LCLAT1: variants seen among roughly 807,000 people sequenced by gnomAD.
LCLAT1 encodes lysocardiolipin acyltransferase 1.
In LCLAT1, 11 loss-of-function variants were observed where a neutral mutation model predicts 30.7. That is an observed-to-expected ratio of 0.36 (90% CI 0.23 to 0.59). The LOEUF (loss-of-function observed/expected upper bound fraction) is 0.59. LCLAT1 is among the 20% of genes least tolerant of loss of function. The pLI, the probability that LCLAT1 is intolerant of heterozygous loss-of-function variation, is 0.77. For synonymous variants in LCLAT1, 155 were observed against 151.3 expected (o/e 1.02, Z -0.18); for missense variants, 402 against 458.6 (o/e 0.88, Z 1.13).
At chr2:30,525,096 C>T (rs1169874644) in intron 1 of LCLAT1, among the ~76,000 whole-genome samples, 2 of 151,712 alleles carry the variant, frequency 1.3e-5, no homozygotes, top group Non-Finnish European at 2.9e-5. Flanking sequence ...GATATTTGCT[C>T]TGTTGAGAGT....
At chr2:30,578,440 G>A (rs185089816) in intron 5 of LCLAT1, among the ~76,000 whole-genome samples, 3 of 152,108 alleles carry the variant, frequency 2.0e-5, no homozygotes, top group African/African-American at 7.2e-5. Context: ...GCTGCTCCTA[G>A]TCAAACATGA....
chr2:30,469,425 C>T (rs1317977341), intron 1 of LCLAT1, among the ~76,000 whole-genome samples: 2 of 152,082 alleles, frequency 1.3e-5, no homozygotes, highest in African/African-American at 4.8e-5. Context: ...CACCTTCCTT[C>T]TTTTGCATGT....
intron 5 of LCLAT1, among the ~76,000 whole-genome samples, chr2:30,625,703 T>C (rs994459441): frequency 1.3e-5 from 2 of 152,228 alleles, no homozygotes; most frequent in Non-Finnish European, 2.9e-5. Context: ...TTTACAAGAA[T>C]GTAATTTAAA....
At chr2:30,568,864 C>CAAAAAAAAAAAAAAAAAAAAAAA (rs61325694) in intron 5 of LCLAT1, among the ~76,000 whole-genome samples, 3 of 89,104 alleles carry the variant, frequency 3.4e-5, no homozygotes, top group Admixed American at 1.5e-4. Context: ...TCATGAATAG[C>CAAAAAAAAAAAAAAAAAAAAAAA]AAAAAAAAAA....
At chr2:30,562,969 T>C (rs1269414754) in intron 4 of LCLAT1, among the ~76,000 whole-genome samples, 2 of 152,192 alleles carry the variant, frequency 1.3e-5, no homozygotes, top group African/African-American at 2.4e-5. Context: ...TTTGCCCTTC[T>C]TCAAGAAAAC....
chr2:30,567,946 T>C (rs1665568111), intron 4 of LCLAT1, 114 bp from the exon 5 acceptor site: 1 of 603,664 alleles, frequency 1.7e-6, no homozygotes, highest in Non-Finnish European at 3.0e-6. Flanking sequence ...CAGTATTCAG[T>C]AATTAGAGAA....
chr2:30,566,726 T>C (rs901314939), intron 4 of LCLAT1, among the ~76,000 whole-genome samples: 1 of 152,222 alleles, frequency 6.6e-6, no homozygotes, highest in African/African-American at 2.4e-5. Context: ...TATTTCATGA[T>C]CTCTCCCAGC....
In LCLAT1 at chr2:30,609,330, A is replaced by ATTTTC. The variant is rs1667621473; in HGVS notation, c.629-30782_629-30778dup. On this transcript the variant is annotated intron_variant, in intron 5 of 5. Coordinates refer to ENST00000379509, the MANE Select transcript of LCLAT1 (RefSeq NM_001002257.3). ...AAACCTTTCTTGTTACTTGGTCTCC[A>ATTTTC]TTTTCTTTTGTTAATTGTATAATTA... Among the ~76,000 whole-genome samples the ATTTTC allele has an allele frequency of 2.6e-5, 4 of 151,884 alleles. No homozygotes were observed. In the South Asian group the frequency reaches 8.3e-4, roughly 32 times the overall value.
intron 1 of LCLAT1, among the ~76,000 whole-genome samples, chr2:30,518,485 A>G (rs921751010): frequency 7.2e-5 from 11 of 152,220 alleles, no homozygotes; most frequent in African/African-American, 2.7e-4. Context: ...GGAACCATCT[A>G]TACCAATTCT....
intron 1 of LCLAT1, among the ~76,000 whole-genome samples, chr2:30,468,134 A>G (rs2148286311): frequency 6.6e-6 from 1 of 152,350 alleles, no homozygotes; most frequent in African/African-American, 2.4e-5. Context: ...TAAGGAAGAG[A>G]TCCAGTTTCA....
At chr2:30,481,466 G>GT (rs903068142) in intron 1 of LCLAT1, among the ~76,000 whole-genome samples, 5 of 92,098 alleles carry the variant, frequency 5.4e-5, no homozygotes, top group African/African-American at 1.5e-4. Context: ...TGGTAGAGGA[G>GT]GGGGAGCCAA....
chr2:30,504,522 T>A (rs969546158), intron 1 of LCLAT1, among the ~76,000 whole-genome samples: 1 of 88,710 alleles, frequency 1.1e-5, no homozygotes, highest in Non-Finnish European at 3.0e-5. Context: ...TTCTAACTTG[T>A]TGTTGAAAAT....
chr2:30,557,574 C>T (rs1005308576), intron 3 of LCLAT1, among the ~76,000 whole-genome samples: 1 of 152,040 alleles, frequency 6.6e-6, no homozygotes, highest in Non-Finnish European at 1.5e-5. Flanking sequence ...ACCACCATGC[C>T]TGGCTAATTT....
At chr2:30,551,905 T>C (rs1015467522) in intron 3 of LCLAT1, among the ~76,000 whole-genome samples, 2 of 152,234 alleles carry the variant, frequency 1.3e-5, no homozygotes, top group African/African-American at 2.4e-5. Flanking sequence ...ATGACACTTA[T>C]GATTACATTG....
At chr2:30,593,904 C>A (rs534477280) in intron 5 of LCLAT1, among the ~76,000 whole-genome samples, 323 of 126,204 alleles carry the variant, frequency 2.6e-3, no homozygotes, top group Non-Finnish European at 3.3e-3. Context: ...CCTCGAGCAA[C>A]AGAGAGAGAT....
intron 1 of LCLAT1, among the ~76,000 whole-genome samples, chr2:30,489,743 G>T (rs1572516522): frequency 6.6e-6 from 1 of 152,348 alleles, no homozygotes; most frequent in East Asian, 1.9e-4. Flanking sequence ...CTGCTAAGAG[G>T]TCTGTGTAAG....
intron 5 of LCLAT1, among the ~76,000 whole-genome samples, chr2:30,599,221 A>T (rs1667068676): frequency 6.6e-6 from 1 of 152,122 alleles, no homozygotes; most frequent in African/African-American, 2.4e-5. Flanking sequence ...ACCTCAAGTG[A>T]TCCGCCCACC....
chr2:30,502,725 A>G (rs1043957426), intron 1 of LCLAT1, among the ~76,000 whole-genome samples: 4 of 151,988 alleles, frequency 2.6e-5, no homozygotes, highest in South Asian at 2.1e-4. Context: ...TTTTTTTAGT[A>G]TAATATCTAC....
intron 5 of LCLAT1, among the ~76,000 whole-genome samples, chr2:30,616,607 T>C (rs1572702181): frequency 6.6e-6 from 1 of 152,168 alleles, no homozygotes; most frequent in Non-Finnish European, 1.5e-5. Context: ...CCTTTCTAGA[T>C]AGTAGCAAGA....
Sources: gnomAD v4.1 joint callset for allele counts (sites outside exome capture counted in the v4.1 genomes callset) on GRCh38, gnomAD v4.1.1 for gene constraint, MANE v1.5 for transcripts, NCBI Gene and HGNC (gene_info 2026-07-23, HGNC 2026-07-21) for gene names.